POTEC: variants seen among roughly 807,000 people sequenced by gnomAD.
POTEC encodes the protein POTE ankyrin domain family member C.
Under a neutral mutation model 62.0 loss-of-function variants are expected in POTEC, and 35 were observed. That is an observed-to-expected ratio of 0.56 (90% CI 0.43 to 0.75). POTEC has a LOEUF of 0.75. POTEC is among the 30% of genes least tolerant of loss of function. The pLI, the probability that POTEC is intolerant of heterozygous loss-of-function variation, is 0.00. For missense variants in POTEC, 472 were observed against 655.9 expected (o/e 0.72, Z 3.06); for synonymous variants, 156 against 221.5 (o/e 0.70, Z 2.62).
At position 14,511,933 on chromosome 18, in the gene POTEC, C is replaced by A. The variant is rs761030204; in HGVS notation, c.1594G>T (p.Glu532Ter). The A allele has an allele frequency of 8.1e-6, 13 of 1,613,718 alleles. No homozygotes were observed. In the Admixed American group the frequency reaches 1.2e-4, roughly 14 times the overall value. Residue 532 changes from glutamate (E) to a stop codon, truncating the protein, a stop_gained, in exon 11 of 11, where the codon GAA becomes TAA. Transcript: ENST00000358970. LOFTEE classifies it high-confidence loss of function. ...TCTCCAGAAATTAGCATGGCAATTT[C>A]TTCCTGCAACATGCTGTTTTCACGC... ...LLRENSMLQE[E>*]IAMLISGDWN
In POTEC at chr18:14,513,702, T is replaced by C. The variant is rs1159190329; in HGVS notation, c.1493A>G (p.Gln498Arg). ...ISQDEILTNK[Q>R]KQIEVAEKKM... The stretch of plus-strand genomic sequence containing the variant: ...CTTTTCAGCCACTTCTATCTGCTTT[T>C]GTTTATTAGTCAGAATCTCATCTTG... The change falls in exon 10 of 11, where the codon CAA becomes CGA. Residue 498 changes from glutamine (Q) to arginine (R), a missense_variant. Physicochemically the swap from Gln to Arg is conservative, Grantham distance 43. Around this residue, in one of 5 missense-constraint regions of POTEC, gnomAD observed 67 missense variants for 58.3 expected, o/e 1.15. Coordinates refer to ENST00000358970, the MANE Select transcript of POTEC (RefSeq NM_001137671.2). 2 of 1,611,606 alleles carry C rather than the reference T, an allele frequency of 1.2e-6. No individual in the cohort carries two copies. The highest frequency in any genetic ancestry group is 1.1e-5 in the South Asian group (1 of 90,884).
intron 3 of POTEC, 136 bp downstream of exon 3, chr18:14,537,665 G>C (rs1905788530): frequency 4.7e-6 from 5 of 1,070,044 alleles, no homozygotes; most frequent in Non-Finnish European, 6.6e-6. Context: ...TAAAGTCTTA[G>C]ATAATTAAGT....
intron 10 of POTEC, among the ~76,000 whole-genome samples, chr18:14,512,317 G>T (rs1285758041): frequency 6.6e-6 from 1 of 152,146 alleles, no homozygotes; most frequent in Non-Finnish European, 1.5e-5. Context: ...TTTAAATTGG[G>T]TTTACACTCT....
intron 1 of POTEC, among the ~76,000 whole-genome samples, chr18:14,539,252 GA>G (rs1198411860): frequency 1.3e-5 from 2 of 151,864 alleles, no homozygotes; most frequent in African/African-American, 4.8e-5. Flanking sequence ...ATGGATTTAT[GA>G]AACTATTTGT....
chr18:14,528,782 C>T (rs560902928), intron 6 of POTEC: 5 of 357,790 alleles, frequency 1.4e-5, no homozygotes, highest in African/African-American at 1.1e-4. Context: ...AGGGTAAGAC[C>T]TACTCATTTC....
intron 1 of POTEC, among the ~76,000 whole-genome samples, chr18:14,538,610 ACT>A (rs1357152226): frequency 6.6e-6 from 1 of 151,288 alleles, no homozygotes; most frequent in Non-Finnish European, 1.5e-5. Context: ...CTTAAATAAG[ACT>A]CTACACAAAA....
chr18:14,543,289 A>G lies in POTEC; in HGVS notation c.-143T>C. The G allele has an allele frequency of 7.2e-7, 1 of 1,380,132 alleles. No individual in the cohort carries two copies. Among genetic ancestry groups the G allele is most frequent in the Admixed American group, 2.3e-5 (1 of 42,942 alleles). The allele number at this position is 1,380,132 out of a possible 1,614,324, so 85.5% of individuals were successfully genotyped here. On this transcript the variant is annotated 5_prime_UTR_variant, in exon 1 of 11. Coordinates refer to ENST00000358970, the MANE Select transcript of POTEC (RefSeq NM_001137671.2). Reference sequence around the variant, plus strand: ...CAGCCAAAACTTGCCAACCCCAGCAAGGGAGCCCAGTCCACCCCACCCAGG... The same window carrying G: ...CAGCCAAAACTTGCCAACCCCAGCAGGGGAGCCCAGTCCACCCCACCCAGG...
chr18:14,528,925 C>T, intron 6 of POTEC: 1 of 454,348 alleles, frequency 2.2e-6, no homozygotes, highest in South Asian at 1.6e-5. Context: ...CACTCAGCAT[C>T]TTGCGTTTTG....
At chr18:14,514,618 G>A (rs1248109643) in intron 9 of POTEC, among the ~76,000 whole-genome samples, 1 of 152,112 alleles carries the variant, frequency 6.6e-6, no homozygotes, top group Non-Finnish European at 1.5e-5. Context: ...GTGTATGAGA[G>A]AGAGATGTGA....
At chr18:14,540,238 C>A (rs1048742202) in intron 1 of POTEC, among the ~76,000 whole-genome samples, 4 of 152,068 alleles carry the variant, frequency 2.6e-5, no homozygotes, top group African/African-American at 9.7e-5. Flanking sequence ...AGATAGCCAT[C>A]CACAGGTATA....
intron 4 of POTEC, among the ~76,000 whole-genome samples, chr18:14,533,776 G>A (rs1905609059): frequency 6.6e-6 from 1 of 152,028 alleles, no homozygotes; most frequent in Non-Finnish European, 1.5e-5. Context: ...AACATATTGG[G>A]TGGTAAATAA....
intron 7 of POTEC, among the ~76,000 whole-genome samples, chr18:14,524,542 GAACA>G (rs1910388504): frequency 1.3e-5 from 2 of 152,012 alleles, no homozygotes; most frequent in African/African-American, 2.4e-5. Flanking sequence ...AAAAATAAAA[GAACA>G]AACAAAGGTC....
intron 9 of POTEC, among the ~76,000 whole-genome samples, chr18:14,516,785 T>G (rs1054005826): frequency 6.6e-6 from 1 of 152,030 alleles, no homozygotes; most frequent in African/African-American, 2.4e-5. Flanking sequence ...TTTTCTTCAC[T>G]TTTAGCCTAG....
chr18:14,514,174 T>C (rs1423738694), intron 9 of POTEC, among the ~76,000 whole-genome samples: 1 of 152,114 alleles, frequency 6.6e-6, no homozygotes, highest in Admixed American at 6.6e-5. Context: ...CAGGAGATGG[T>C]GACAGATCAT....
intron 6 of POTEC, among the ~76,000 whole-genome samples, chr18:14,526,644 A>T (rs1157764784): frequency 1.3e-5 from 2 of 152,062 alleles, no homozygotes; most frequent in Non-Finnish European, 2.9e-5. Flanking sequence ...TGAAAGAGTG[A>T]AAGTATTTGC....
At chr18:14,537,172 A>AACAC (rs1158054861) in intron 3 of POTEC, among the ~76,000 whole-genome samples, 1,060 of 64,686 alleles carry the variant, frequency 0.016, 33 homozygotes, top group Admixed American at 0.025. Context: ...CAACAATAAC[A>AACAC]ACACACACAC....
Position 14,510,159 on chromosome 18 carries a change from C to G in POTEC, c.*1739G>C, listed in dbSNP as rs1206173044. Reference sequence around the variant, plus strand: ...GGATGGAGGGTCTGTGTTGTGGGCCCAAGCCACGGTTCCTTGTCTGGTGAT... The same window carrying G: ...GGATGGAGGGTCTGTGTTGTGGGCCGAAGCCACGGTTCCTTGTCTGGTGAT... On this transcript the variant is annotated 3_prime_UTR_variant, in exon 11 of 11. Coordinates refer to ENST00000358970, the MANE Select transcript of POTEC (RefSeq NM_001137671.2). The G allele has an allele frequency of 6.6e-6, 1 of 152,198 alleles. No individual in the cohort carries two copies. The highest frequency in any genetic ancestry group is 2.0e-4 in the East Asian group (1 of 5,124). 9.4% of individuals were successfully genotyped at this position (152,198 alleles called of 1,614,324 possible).
At chr18:14,535,932 A>G (rs1459776598) in intron 3 of POTEC, among the ~76,000 whole-genome samples, 2 of 152,064 alleles carry the variant, frequency 1.3e-5, no homozygotes, top group African/African-American at 4.8e-5. Context: ...AAGCTGATAG[A>G]TAGTGCCAAT....
At chr18:14,524,152 G>A (rs1489777505) in intron 7 of POTEC, among the ~76,000 whole-genome samples, 1 of 152,132 alleles carries the variant, frequency 6.6e-6, no homozygotes, top group Non-Finnish European at 1.5e-5. Context: ...ACTAATTATA[G>A]TGGATAAAAT....
Sources: allele counts gnomAD v4.1 joint callset (sites outside exome capture counted in the v4.1 genomes callset), GRCh38; gene constraint gnomAD v4.1.1; regional missense constraint gnomAD v4.1.1; transcripts MANE v1.5; gene names NCBI Gene and HGNC (gene_info 2026-07-23, HGNC 2026-07-21).